GRHL1: variants seen among roughly 807,000 people sequenced by gnomAD.
The protein encoded by GRHL1 is grainyhead like transcription factor 1.
A neutral mutation model predicts 75.7 loss-of-function variants in GRHL1; 38 were observed. That is an observed-to-expected ratio of 0.50 (90% CI 0.39 to 0.66). GRHL1 has a LOEUF of 0.66. Ranked by LOEUF, GRHL1 falls within the 30% of genes least tolerant of loss-of-function variation. The probability of loss-of-function intolerance (pLI) is 0.00; values close to 1 mark genes in which losing one functional copy is unlikely to be tolerated. For missense variants in GRHL1, 589 were observed against 767.5 expected, an observed-to-expected ratio of 0.77 and a Z score of 2.75; for synonymous variants, 266 against 279.4, an observed-to-expected ratio of 0.95 and a Z score of 0.48.
At chr2:9,958,669 A>G (rs1667141636) in intron 2 of GRHL1, 117 bp from the exon 3 acceptor site, 2 of 728,338 alleles carry the variant, frequency 2.7e-6, no homozygotes, top group Non-Finnish European at 4.7e-6. Context: ...GGTGTTTGCT[A>G]GGCAACCAGT....
intron 12 of GRHL1, 87 bp downstream of exon 12, chr2:9,993,331 T>A: frequency 9.2e-7 from 1 of 1,084,162 alleles, no homozygotes; most frequent in South Asian, 1.3e-5. Context: ...TACAAAGAAC[T>A]CATTTTTCCC....
At chr2:9,999,237 C>G (rs1669161426) in intron 15 of GRHL1, among the ~76,000 whole-genome samples, 1 of 152,208 alleles carries the variant, frequency 6.6e-6, no homozygotes, top group South Asian at 2.1e-4. Flanking sequence ...CCAAAGAAAC[C>G]TGGGTGCTGG....
At chr2:9,954,536 C>G (rs1307615260) in intron 1 of GRHL1, among the ~76,000 whole-genome samples, 1 of 152,280 alleles carries the variant, frequency 6.6e-6, no homozygotes, top group South Asian at 2.1e-4. Context: ...CAAGAGGGGA[C>G]AGTCCTGATT....
At chr2:9,977,572 T>C (rs1668000627) in intron 8 of GRHL1, among the ~76,000 whole-genome samples, 1 of 152,254 alleles carries the variant, frequency 6.6e-6, no homozygotes, top group Non-Finnish European at 1.5e-5. Context: ...TCCGCCCGCC[T>C]CGGCCTCCCA....
intron 5 of GRHL1, 60 bp downstream of exon 5, chr2:9,962,591 T>C: frequency 1.1e-6 from 1 of 939,402 alleles, no homozygotes; most frequent in Non-Finnish European, 1.7e-6. Context: ...ATTCCTTTCT[T>C]GTTAACTTGA....
At chr2:9,991,871 A>G in intron 10 of GRHL1, 136 bp from the exon 11 acceptor site, 1 of 551,936 alleles carries the variant, frequency 1.8e-6, no homozygotes, top group Non-Finnish European at 3.1e-6. Flanking sequence ...TTAGGCAGGC[A>G]GCGTGCCCTG....
At chr2:9,952,108 C>A (rs1426573099) in intron 1 of GRHL1, among the ~76,000 whole-genome samples, 1 of 85,534 alleles carries the variant, frequency 1.2e-5, no homozygotes, top group Non-Finnish European at 2.4e-5. Flanking sequence ...CCCTCCTCCC[C>A]TCCTCCGCGG....
intron 8 of GRHL1, among the ~76,000 whole-genome samples, chr2:9,980,090 A>T (rs890053241): frequency 2.0e-5 from 3 of 151,890 alleles, no homozygotes; most frequent in African/African-American, 7.3e-5. Context: ...ATTCTCAGTT[A>T]CTTTCCCTAT....
chr2:9,983,260 T>C (rs1378881301), intron 8 of GRHL1, among the ~76,000 whole-genome samples: 1 of 152,206 alleles, frequency 6.6e-6, no homozygotes, highest in African/African-American at 2.4e-5. Flanking sequence ...TTTCACAGCT[T>C]TGTCACCTTC....
intron 4 of GRHL1, 129 bp downstream of exon 4, chr2:9,961,565 T>C: frequency 1.2e-6 from 1 of 864,604 alleles, no homozygotes; most frequent in East Asian, 2.7e-5. Context: ...AGATTTTTTT[T>C]TTAAGAGAAA....
chr2:9,967,406 G>A (rs979014680), intron 8 of GRHL1, among the ~76,000 whole-genome samples: 1 of 152,254 alleles, frequency 6.6e-6, no homozygotes. Context: ...AAGCCAAGAT[G>A]ACGGGTAGGG....
Position 9,986,251 on chromosome 2 carries a change from C to T in GRHL1, c.1238C>T (p.Ala413Val). 1 of 1,613,478 alleles carries T rather than the reference C, an allele frequency of 6.2e-7. No homozygotes were observed. Among genetic ancestry groups the T allele is most frequent in the Non-Finnish European group, 8.5e-7 (1 of 1,179,722 alleles). Residue 413 changes from alanine to valine, a missense_variant, in exon 9 of 16, where the codon GCC (alanine) becomes GTC (valine). Ala to Val is a moderately conservative substitution (Grantham distance 64). Around this residue, in one of 5 missense-constraint regions of GRHL1, gnomAD observed 30 missense variants for 40.3 expected, o/e 0.74. Transcript: ENST00000324907. ...CGCAGCAACAAGCCTGTGCACCGGGCCTACTGCCAGATCAAGGTCTTCTGT... is the reference window on the plus strand; with the variant it reads ...CGCAGCAACAAGCCTGTGCACCGGGTCTACTGCCAGATCAAGGTCTTCTGT... ...NNRSNKPVHR[A>V]YCQIKVFCDK...
chr2:9,973,668 G>A (rs753195320), intron 8 of GRHL1, among the ~76,000 whole-genome samples: 1 of 152,194 alleles, frequency 6.6e-6, no homozygotes, highest in Non-Finnish European at 1.5e-5. Context: ...TCTATGAACT[G>A]TCTTAGAGCA....
chr2:9,980,659 T>C (rs1470016516), intron 8 of GRHL1, among the ~76,000 whole-genome samples: 1 of 152,232 alleles, frequency 6.6e-6, no homozygotes, highest in Admixed American at 6.5e-5. Context: ...TACAAATGTT[T>C]TCTCTCAAAA....
At chr2:9,956,200 G>A (rs933101468) in intron 2 of GRHL1, among the ~76,000 whole-genome samples, 5 of 152,058 alleles carry the variant, frequency 3.3e-5, no homozygotes, top group Admixed American at 2.6e-4. Flanking sequence ...ACCCAGAATC[G>A]CCAGTTGCTA....
At chr2:9,969,682 T>C (rs1034412733) in intron 8 of GRHL1, among the ~76,000 whole-genome samples, 1 of 152,090 alleles carries the variant, frequency 6.6e-6, no homozygotes, top group East Asian at 1.9e-4. Flanking sequence ...TGTGAGCCAG[T>C]AGGCACTAAA....
At chr2:9,977,985 C>T (rs1029315783) in intron 8 of GRHL1, among the ~76,000 whole-genome samples, 9 of 152,098 alleles carry the variant, frequency 5.9e-5, no homozygotes, top group Admixed American at 1.3e-4. Flanking sequence ...TGGCGGCCGG[C>T]GAGAGAGAAT....
chr2:9,961,558 T>A (rs950137795), intron 4 of GRHL1, 122 bp downstream of exon 4: 1 of 511,162 alleles, frequency 2.0e-6, no homozygotes, highest in Non-Finnish European at 2.9e-6. Flanking sequence ...GAATAAAAGA[T>A]TTTTTTTTTA....
At chr2:9,993,166 T>G in intron 11 of GRHL1, 41 bp from the exon 12 acceptor site, 1 of 1,433,846 alleles carries the variant, frequency 7.0e-7, no homozygotes, top group East Asian at 2.3e-5. Flanking sequence ...CCAAACATTT[T>G]GAGCATACAT....
Sources: gnomAD v4.1 joint callset for allele counts (sites outside exome capture counted in the v4.1 genomes callset) on GRCh38, gnomAD v4.1.1 for gene constraint, gnomAD v4.1.1 regional missense constraint, MANE v1.5 for transcripts, NCBI Gene and HGNC (gene_info 2026-07-23, HGNC 2026-07-21) for gene names.